PAGE2B: variants seen among roughly 807,000 people sequenced by gnomAD.
PAGE2B encodes PAGE family member 2B, also known as putative G antigen family E member 3.
Under a neutral mutation model 7.6 loss-of-function variants are expected in PAGE2B, and 5 were observed. That is an observed-to-expected ratio of 0.66 (90% confidence interval 0.34 to 1.38). PAGE2B has a LOEUF of 1.38. PAGE2B is among the 40% of genes most tolerant of loss of function. PAGE2B has a pLI of 0.04. For synonymous variants in PAGE2B, 29 were observed against 26.7 expected, an observed-to-expected ratio of 1.09 and a Z score of -0.27; for missense variants, 70 against 78.4, an observed-to-expected ratio of 0.89 and a Z score of 0.41.
the PAGE2B span, among the ~76,000 whole-genome samples, chrX:55,063,237 A>T: frequency 9.0e-6 from 1 of 111,182 alleles, no homozygotes; most frequent in African/African-American, 3.3e-5. Context: ...TTAACATTTA[A>T]TTTCTTGCAT....
At chrX:55,029,122 A>G in the PAGE2B span, among the ~76,000 whole-genome samples, 2 of 111,927 alleles carry the variant, frequency 1.8e-5, no homozygotes, top group African/African-American at 6.5e-5. Flanking sequence ...TATTTTCTCC[A>G]TTTCCCATGT....
chrX:55,037,292 T>C, the PAGE2B span, among the ~76,000 whole-genome samples: 3 of 111,128 alleles, frequency 2.7e-5, no homozygotes, highest in Non-Finnish European at 5.7e-5. Flanking sequence ...CCAAAAGACA[T>C]ATGAAAAAAT....
chrX:55,073,467 C>T (rs772629353), upstream of PAGE2B, among the ~76,000 whole-genome samples: 6 of 111,593 alleles, frequency 5.4e-5, no homozygotes, highest in Non-Finnish European at 9.4e-5. Flanking sequence ...GTGTTGGTCT[C>T]GCTGGGAGTT....
At chrX:55,031,967 T>C in the PAGE2B span, among the ~76,000 whole-genome samples, 2 of 111,872 alleles carry the variant, frequency 1.8e-5, no homozygotes, top group Admixed American at 1.9e-4. Context: ...TGTTTTTCAT[T>C]CAACCATATG....
At chrX:55,047,711 GTCT>G in the PAGE2B span, among the ~76,000 whole-genome samples, 2 of 112,053 alleles carry the variant, frequency 1.8e-5, no homozygotes, top group Non-Finnish European at 3.8e-5. Context: ...CTGCACAAAT[GTCT>G]TCTTTTGAGA....
At chrX:55,040,004 A>G in the PAGE2B span, among the ~76,000 whole-genome samples, 1 of 111,455 alleles carries the variant, frequency 9.0e-6, no homozygotes, top group Non-Finnish European at 1.9e-5. Flanking sequence ...ATTAAACAAA[A>G]CACCACTACT....
the PAGE2B span, among the ~76,000 whole-genome samples, chrX:55,041,829 A>G: frequency 1.8e-5 from 2 of 111,544 alleles, no homozygotes; most frequent in Non-Finnish European, 3.8e-5. Flanking sequence ...CTTCTTCACA[A>G]CCATGGCCCT....
chrX:55,066,527 T>C, the PAGE2B span, among the ~76,000 whole-genome samples: 1 of 112,422 alleles, frequency 8.9e-6, no homozygotes, highest in South Asian at 3.7e-4. Context: ...TTCTCATTCA[T>C]GCTTGAATAA....
the PAGE2B span, chrX:55,030,983 C>T: frequency 2.9e-6 from 1 of 340,017 alleles, no homozygotes; most frequent in Non-Finnish European, 5.9e-6. Flanking sequence ...CAGGTGGGTA[C>T]TTGGGTTAGG....
At chrX:55,050,424 T>C in the PAGE2B span, among the ~76,000 whole-genome samples, 1 of 108,669 alleles carries the variant, frequency 9.2e-6, no homozygotes. Flanking sequence ...AGTCTCCCAT[T>C]ATTATTGTGT....
the PAGE2B span, among the ~76,000 whole-genome samples, chrX:55,056,126 G>T: frequency 9.0e-6 from 1 of 110,861 alleles, no homozygotes; most frequent in Non-Finnish European, 1.9e-5. Context: ...GAAGTTGGGG[G>T]GCATATCCTT....
chrX:55,070,555 G>T (rs1428170973), upstream of PAGE2B, among the ~76,000 whole-genome samples: 3 of 111,344 alleles, frequency 2.7e-5, no homozygotes, highest in Non-Finnish European at 5.6e-5. Context: ...AGGTCTGCTT[G>T]GTCCAGAGCT....
the PAGE2B span, among the ~76,000 whole-genome samples, chrX:55,037,229 A>C: frequency 8.9e-6 from 1 of 112,052 alleles, no homozygotes; most frequent in African/African-American, 3.2e-5. Flanking sequence ...ACCCCATCAA[A>C]AAGTGGGCAA....
At chrX:55,051,445 C>G in the PAGE2B span, among the ~76,000 whole-genome samples, 1 of 112,252 alleles carries the variant, frequency 8.9e-6, no homozygotes, top group East Asian at 2.8e-4. Flanking sequence ...TTCAGGTACA[C>G]CAGTTAGACA....
the PAGE2B span, among the ~76,000 whole-genome samples, chrX:55,035,393 A>G: frequency 8.9e-6 from 1 of 111,910 alleles, no homozygotes; most frequent in Non-Finnish European, 1.9e-5. Flanking sequence ...GATATTTTAA[A>G]TGGGTTATGA....
At chrX:55,053,301 A>G in the PAGE2B span, among the ~76,000 whole-genome samples, 3 of 111,935 alleles carry the variant, frequency 2.7e-5, no homozygotes, top group Middle Eastern at 4.6e-3. Context: ...GTTCTCACTC[A>G]TAAGTGGGCA....
chrX:55,051,133 G>A, the PAGE2B span, among the ~76,000 whole-genome samples: 726 of 111,281 alleles, frequency 6.5e-3, 4 homozygotes, highest in African/African-American at 0.022. Context: ...GTTGAATATC[G>A]GCCCCCACTC....
At chrX:55,049,877 C>G in the PAGE2B span, among the ~76,000 whole-genome samples, 1 of 111,553 alleles carries the variant, frequency 9.0e-6, no homozygotes, top group Non-Finnish European at 1.9e-5. Context: ...TCTTGCTTTC[C>G]TAGTTCTTTT....
the PAGE2B span, among the ~76,000 whole-genome samples, chrX:55,051,148 C>G: frequency 1.8e-5 from 2 of 111,865 alleles, no homozygotes; most frequent in African/African-American, 6.5e-5. Flanking sequence ...CCACTCACTT[C>G]TGGCTTGTAG....
Sources: gnomAD v4.1 joint callset for allele counts (sites outside exome capture counted in the v4.1 genomes callset) on GRCh38, gnomAD v4.1.1 for gene constraint, MANE v1.5 for transcripts, NCBI Gene and HGNC (gene_info 2026-07-23, HGNC 2026-07-21) for gene names.